Variants in DOCK8 observed in about 807,000 individuals in gnomAD.
DOCK8 encodes dedicator of cytokinesis protein 8.
In DOCK8, 141 loss-of-function variants were observed where a neutral mutation model predicts 245.6. The observed-to-expected ratio is 0.57, with a 90% CI of 0.50 to 0.66. The LOEUF (loss-of-function observed/expected upper bound fraction) is 0.66. Ranked by LOEUF, DOCK8 falls within the 30% of genes least tolerant of loss-of-function variation. DOCK8 has a pLI of 0.00. For synonymous variants in DOCK8, 1,168 were observed against 970.2 expected (o/e 1.20, Z -3.79); for missense variants, 2,965 against 2,603.4 (o/e 1.14, Z -3.02).
At chr9:449,477 C>G (rs1046553046) in intron 44 of DOCK8, among the ~76,000 whole-genome samples, 1 of 152,210 alleles carries the variant, frequency 6.6e-6, no homozygotes, top group African/African-American at 2.4e-5. Flanking sequence ...TGACCTCCTC[C>G]CTTACTACCT....
intron 19 of DOCK8, 115 bp from the exon 20 acceptor site, chr9:376,862 C>T: frequency 1.1e-6 from 1 of 948,202 alleles, no homozygotes; most frequent in Non-Finnish European, 1.7e-6. Flanking sequence ...ACCTTCTGGT[C>T]TGAAACGCTG....
At chr9:364,817 G>T (rs569901612) in intron 14 of DOCK8, among the ~76,000 whole-genome samples, 7 of 152,252 alleles carry the variant, frequency 4.6e-5, no homozygotes, top group African/African-American at 9.6e-5. Flanking sequence ...GGCACATATT[G>T]CTTTCATAGT....
At chr9:401,910 T>C (rs1254609681) in intron 26 of DOCK8, among the ~76,000 whole-genome samples, 1 of 152,112 alleles carries the variant, frequency 6.6e-6, no homozygotes, top group Non-Finnish European at 1.5e-5. Context: ...AGCATCCCCA[T>C]CCCATGCACC....
chr9:238,955 C>CT (rs77733816), intron 1 of DOCK8, among the ~76,000 whole-genome samples: 54,800 of 151,888 alleles, frequency 0.36, 11,354 homozygotes, highest in East Asian at 0.78. Context: ...CACACACACT[C>CT]TCACTGGGAC....
chr9:439,099 C>T, intron 39 of DOCK8, 146 bp from the exon 40 acceptor site: 1 of 1,015,810 alleles, frequency 9.8e-7, no homozygotes, highest in Non-Finnish European at 1.5e-6. Flanking sequence ...GACAGATACT[C>T]TCGGGGTAGA....
intron 36 of DOCK8, among the ~76,000 whole-genome samples, chr9:430,391 A>T (rs1384081111): frequency 1.3e-5 from 2 of 151,670 alleles, no homozygotes; most frequent in Non-Finnish European, 2.9e-5. Flanking sequence ...AATAATAATA[A>T]AATAAAATAA....
At chr9:323,349 G>T (rs1008866786) in intron 7 of DOCK8, among the ~76,000 whole-genome samples, 2 of 148,364 alleles carry the variant, frequency 1.3e-5, no homozygotes, top group Admixed American at 6.8e-5. Context: ...TCAGCCTCCC[G>T]AGTAGCTGGG....
intron 7 of DOCK8, among the ~76,000 whole-genome samples, chr9:322,689 A>G (rs754050194): frequency 1.3e-4 from 20 of 152,348 alleles, no homozygotes; most frequent in Admixed American, 2.6e-4. Context: ...ACTACTCAGT[A>G]CCAACCTAAG....
Position 377,180 on chromosome 9 carries a change from C to A in DOCK8, c.2409C>A (p.Ser803=). ...TGCTGGACAAGCTCTTCCAGCTGTCCGTGCAGCCCATGGTCATCGCTGGCC... is the reference window on the plus strand; with the variant it reads ...TGCTGGACAAGCTCTTCCAGCTGTCAGTGCAGCCCATGGTCATCGCTGGCC... ...HLVLDKLFQL[S]VQPMVIAGQT... The change falls in exon 20 of 48, where the codon TCC becomes TCA. Residue 803 remains serine (S), a synonymous_variant. Coordinates refer to ENST00000432829, the MANE Select transcript of DOCK8 (RefSeq NM_203447.4). The A allele has an allele frequency of 1.9e-6, 3 of 1,601,212 alleles. No homozygotes were observed.
chr9:217,888 G>T (rs937600506), intron 1 of DOCK8, among the ~76,000 whole-genome samples: 1 of 152,168 alleles, frequency 6.6e-6, no homozygotes, highest in Non-Finnish European at 1.5e-5. Context: ...GCAGAGCTGG[G>T]ATTGCAAACT....
At chr9:302,398 A>G (rs569822953) in intron 4 of DOCK8, among the ~76,000 whole-genome samples, 67 of 152,354 alleles carry the variant, frequency 4.4e-4, no homozygotes, top group African/African-American at 1.6e-3. Context: ...CAAAAACCCT[A>G]GAGAAAAAAA....
intron 45 of DOCK8, among the ~76,000 whole-genome samples, chr9:450,855 A>G (rs539419300): frequency 3.0e-4 from 46 of 151,524 alleles, no homozygotes; most frequent in African/African-American, 1.0e-3. Context: ...GCAGTTATGC[A>G]AAATGATGTT....
chr9:443,136 C>T (rs925669520), intron 42 of DOCK8, among the ~76,000 whole-genome samples: 2 of 152,058 alleles, frequency 1.3e-5, no homozygotes, highest in Non-Finnish European at 2.9e-5. Context: ...GTACAGAAGG[C>T]GAGAAGTAAA....
At chr9:257,700 G>A (rs574223042) in intron 1 of DOCK8, among the ~76,000 whole-genome samples, 4 of 152,204 alleles carry the variant, frequency 2.6e-5, no homozygotes, top group African/African-American at 9.6e-5. Context: ...TGTATTTTTC[G>A]TAGAGACGGG....
intron 11 of DOCK8, among the ~76,000 whole-genome samples, chr9:336,096 G>C (rs541090882): frequency 2.6e-4 from 40 of 152,306 alleles, no homozygotes; most frequent in Non-Finnish European, 5.7e-4. Context: ...CTTGCTGCCT[G>C]GTCCACATAA....
chr9:292,089 A>AAAAAAAC (rs1261347464), intron 4 of DOCK8, among the ~76,000 whole-genome samples: 1 of 148,890 alleles, frequency 6.7e-6, no homozygotes, highest in African/African-American at 2.5e-5. Context: ...AAAAAAAAAA[A>AAAAAAAC]AGCCAGGCAC....
intron 46 of DOCK8, among the ~76,000 whole-genome samples, chr9:453,910 G>A (rs2057544079): frequency 6.6e-6 from 1 of 152,158 alleles, no homozygotes; most frequent in South Asian, 2.1e-4. Flanking sequence ...CCTATGAAAT[G>A]TTTGAAGAGC....
At chr9:330,714 T>G (rs1210656926) in intron 9 of DOCK8, among the ~76,000 whole-genome samples, 1 of 152,212 alleles carries the variant, frequency 6.6e-6, no homozygotes, top group Non-Finnish European at 1.5e-5. Context: ...GAGCAGAAAG[T>G]AGTCTGTTCC....
At chr9:356,572 C>T (rs1285320828) in intron 14 of DOCK8, among the ~76,000 whole-genome samples, 1 of 151,894 alleles carries the variant, frequency 6.6e-6, no homozygotes, top group African/African-American at 2.4e-5. Context: ...GGTCCCTTCC[C>T]ACCTTCCCTT....
Sources: gnomAD v4.1 joint callset for allele counts (sites outside exome capture counted in the v4.1 genomes callset) on GRCh38, gnomAD v4.1.1 for gene constraint, MANE v1.5 for transcripts, NCBI Gene and HGNC (gene_info 2026-07-23, HGNC 2026-07-21) for gene names.